MACROH2A2: variants seen among roughly 807,000 people sequenced by gnomAD.
MACROH2A2 encodes the protein macroH2A.2 histone, also known as core histone macro-H2A.2.
A neutral mutation model predicts 37.6 loss-of-function variants in MACROH2A2; 6 were observed. The ratio of observed to expected loss-of-function variants is 0.16; its 90% CI spans 0.09 to 0.32. The LOEUF is 0.32. Ranked by LOEUF, MACROH2A2 falls within the 10% of genes least tolerant of loss-of-function variation. The pLI is 1.00. For missense variants in MACROH2A2, 290 were observed against 485.9 expected, an observed-to-expected ratio of 0.60 and a Z score of 3.79; for synonymous variants, 192 against 202.7, an observed-to-expected ratio of 0.95 and a Z score of 0.45.
chr10:70,090,662 A>T (rs1470302629), intron 3 of MACROH2A2, among the ~76,000 whole-genome samples: 1 of 152,182 alleles, frequency 6.6e-6, no homozygotes, highest in Non-Finnish European at 1.5e-5. Flanking sequence ...TTTATTTTCT[A>T]ATCTCACTCT....
chr10:70,052,882 T>TA lies in MACROH2A2; in HGVS notation c.-177dup, dbSNP rs777945849. ...GCTTGCCGCCATTGACACGCACAGA[T>TA]AGAACCCAAAGAAAGGCAAAGAGTC... On this transcript the variant is annotated 5_prime_UTR_variant, in exon 1 of 9. Transcript: ENST00000373255. 1 of 152,782 alleles carries TA rather than the reference T, an allele frequency of 6.5e-6. No individual in the cohort carries two copies. The highest frequency in any genetic ancestry group is 2.4e-5 in the African/African-American group (1 of 41,442). 9.5% of individuals were successfully genotyped at this position (152,782 alleles called of 1,614,324 possible).
At chr10:70,071,021 G>A (rs796769375) in intron 1 of MACROH2A2, among the ~76,000 whole-genome samples, 4 of 151,712 alleles carry the variant, frequency 2.6e-5, no homozygotes, top group East Asian at 1.9e-4. Context: ...GTGTGAGCGC[G>A]TGCATGTATG....
At chr10:70,094,843 C>G (rs2072265367) in intron 5 of MACROH2A2, among the ~76,000 whole-genome samples, 2 of 152,172 alleles carry the variant, frequency 1.3e-5, no homozygotes. Context: ...GCAAGGGAGC[C>G]AGACACCCCC....
rs771050240 is a variant in MACROH2A2, at chr10:70,111,555, C to T, written c.991C>T (p.Leu331Phe). ...CAAACAGACTGCGGCCCAGGTGACC[C>T]TCAAAGCCATCTCAGCCCACTTTGA... Reference protein sequence around the residue: ...FPKQTAAQVTLKAISAHFDDS... With the variant: ...FPKQTAAQVTFKAISAHFDDS... The change falls in exon 9 of 9, where the codon CTC becomes TTC. Residue 331 changes from leucine to phenylalanine, a missense_variant. Physicochemically the swap from Leu to Phe is conservative, Grantham distance 22. Transcript: ENST00000373255. 21 of 1,613,722 alleles carry T rather than the reference C, an allele frequency of 1.3e-5. No individual in the cohort carries two copies. The highest frequency in any genetic ancestry group is 1.7e-5 in the Non-Finnish European group (20 of 1,179,918).
intron 1 of MACROH2A2, among the ~76,000 whole-genome samples, chr10:70,055,887 A>G (rs1353465614): frequency 6.6e-6 from 1 of 152,218 alleles, no homozygotes; most frequent in African/African-American, 2.4e-5. Flanking sequence ...ACAGCCATCA[A>G]CAGGGAATGG....
At chr10:70,078,638 A>C (rs909513310) in intron 2 of MACROH2A2, among the ~76,000 whole-genome samples, 3 of 152,208 alleles carry the variant, frequency 2.0e-5, no homozygotes, top group Non-Finnish European at 4.4e-5. Context: ...TATAGGATGC[A>C]CTCAATAAAT....
intron 2 of MACROH2A2, among the ~76,000 whole-genome samples, chr10:70,079,332 G>T (rs2072159067): frequency 6.6e-6 from 1 of 151,998 alleles, no homozygotes; most frequent in Non-Finnish European, 1.5e-5. Context: ...AGCCAGGTGG[G>T]GAAGGGAGTC....
intron 1 of MACROH2A2, among the ~76,000 whole-genome samples, chr10:70,074,876 G>C (rs971615426): frequency 2.6e-5 from 4 of 152,182 alleles, no homozygotes; most frequent in African/African-American, 9.7e-5. Context: ...TGTGAGAACA[G>C]ACTAATACAC....
chr10:70,077,567 C>T lies in MACROH2A2; in HGVS notation c.172+1737C>T, dbSNP rs144469179. Among the ~76,000 whole-genome samples, 151 of 149,454 alleles carry T rather than the reference C, an allele frequency of 1.0e-3. 5 individuals are homozygous for T. In the East Asian group the frequency reaches 0.029, roughly 28 times the overall value. ...CTGCACTCCAGCCTAGGTGACAGAG[C>T]GAGACTCCGTCTCAAAAAATAAAGG... On this transcript the variant is annotated intron_variant, in intron 2 of 8. Transcript: ENST00000373255.
intron 8 of MACROH2A2, among the ~76,000 whole-genome samples, chr10:70,111,264 A>G (rs1313885444): frequency 1.3e-5 from 2 of 152,144 alleles, no homozygotes; most frequent in Non-Finnish European, 2.9e-5. Flanking sequence ...GAGAGACTCC[A>G]TCCCAAAACA....
chr10:70,074,136 G>A (rs2072126734), intron 1 of MACROH2A2, among the ~76,000 whole-genome samples: 1 of 152,200 alleles, frequency 6.6e-6, no homozygotes, highest in Non-Finnish European at 1.5e-5. Context: ...TCAACCAGCA[G>A]ACCAAGCCTA....
At chr10:70,085,323 G>A (rs2072204772) in intron 2 of MACROH2A2, among the ~76,000 whole-genome samples, 7 of 152,192 alleles carry the variant, frequency 4.6e-5, no homozygotes, top group Admixed American at 4.6e-4. Flanking sequence ...TGGAGGTGCA[G>A]ATTCAGTAGT....
At chr10:70,090,991 A>G (rs2072241573) in intron 3 of MACROH2A2, among the ~76,000 whole-genome samples, 1 of 152,226 alleles carries the variant, frequency 6.6e-6, no homozygotes, top group Middle Eastern at 3.2e-3. Context: ...TTGCAGATAA[A>G]TTAACTTATA....
chr10:70,063,497 G>A (rs946659598), intron 1 of MACROH2A2, among the ~76,000 whole-genome samples: 1 of 152,122 alleles, frequency 6.6e-6, no homozygotes, highest in Non-Finnish European at 1.5e-5. Flanking sequence ...TCTCAAGACC[G>A]GTTAGTTTTC....
At chr10:70,105,134 A>C (rs909073417) in intron 7 of MACROH2A2, among the ~76,000 whole-genome samples, 1 of 152,190 alleles carries the variant, frequency 6.6e-6, no homozygotes, top group Non-Finnish European at 1.5e-5. Context: ...CATTTGTTGA[A>C]TATTGGAGCA....
intron 3 of MACROH2A2, 114 bp from the exon 4 acceptor site, chr10:70,091,643 C>T (rs2072245144): frequency 2.7e-6 from 2 of 742,008 alleles, no homozygotes; most frequent in African/African-American, 3.6e-5. Context: ...CACTGCACTC[C>T]AGCCTGGGTG....
chr10:70,056,390 A>C (rs1269554899), intron 1 of MACROH2A2, among the ~76,000 whole-genome samples: 2 of 152,174 alleles, frequency 1.3e-5, no homozygotes, highest in Non-Finnish European at 2.9e-5. Context: ...TGGGACTACA[A>C]GCTTGTGCCT....
At chr10:70,065,828 A>G (rs2072076202) in intron 1 of MACROH2A2, among the ~76,000 whole-genome samples, 1 of 152,204 alleles carries the variant, frequency 6.6e-6, no homozygotes, top group Non-Finnish European at 1.5e-5. Context: ...AAGACATAAT[A>G]GAAAAAAAAT....
chr10:70,054,149 C>A (rs528997922), intron 1 of MACROH2A2, among the ~76,000 whole-genome samples: 1 of 152,208 alleles, frequency 6.6e-6, no homozygotes, highest in African/African-American at 2.4e-5. Context: ...CCAGGAGTTT[C>A]CCGTCGCGTG....
Sources: allele counts gnomAD v4.1 joint callset (sites outside exome capture counted in the v4.1 genomes callset), GRCh38; gene constraint gnomAD v4.1.1; transcripts MANE v1.5; gene names NCBI Gene and HGNC (gene_info 2026-07-23, HGNC 2026-07-21).